ESR1: variants seen among roughly 807,000 people sequenced by gnomAD.
ESR1 encodes the protein estrogen receptor 1.
A neutral mutation model predicts 52.7 loss-of-function variants in ESR1; 12 were observed. The observed-to-expected ratio is 0.23, with a 90% CI of 0.15 to 0.37. The LOEUF is 0.37. Among genes scored for constraint, ESR1 ranks in the 10% least tolerant of loss-of-function variants. The pLI is 1.00. For synonymous variants in ESR1, 305 were observed against 316.8 expected (o/e 0.96, Z 0.39); for missense variants, 584 against 779.7 (o/e 0.75, Z 2.99).
intron 6 of ESR1, among the ~76,000 whole-genome samples, chr6:152,116,200 T>C (rs1356341363): frequency 6.6e-6 from 1 of 152,248 alleles, no homozygotes; most frequent in Non-Finnish European, 1.5e-5. Context: ...TACATACCTT[T>C]TGATTCAGTA....
intron 5 of ESR1, among the ~76,000 whole-genome samples, chr6:152,016,853 T>C (rs949053433): frequency 6.6e-6 from 1 of 152,308 alleles, no homozygotes; most frequent in Non-Finnish European, 1.5e-5. Flanking sequence ...CAAGGTCAAC[T>C]GTCTCCATAG....
At chr6:151,822,411 G>A (rs1443214731) in intron 1 of ESR1, among the ~76,000 whole-genome samples, 1 of 152,130 alleles carries the variant, frequency 6.6e-6, no homozygotes, top group Non-Finnish European at 1.5e-5. Flanking sequence ...CCTCTAAGGA[G>A]CTGAAAACAA....
At chr6:151,918,105 C>A (rs1305955141) in intron 3 of ESR1, among the ~76,000 whole-genome samples, 1 of 152,142 alleles carries the variant, frequency 6.6e-6, no homozygotes, top group Non-Finnish European at 1.5e-5. Flanking sequence ...GGCAGATACC[C>A]AGTGATGGGG....
In ESR1 at chr6:152,094,620, C is replaced by T. The variant is rs2050467113; in HGVS notation, c.1553+52C>T. ...GAGAGACATAAAGAAAACATGCCCCCAAACCTATGTGACAGCTGGCCGGGA... is the reference window on the plus strand; with the variant it reads ...GAGAGACATAAAGAAAACATGCCCCTAAACCTATGTGACAGCTGGCCGGGA... On this transcript the variant is annotated intron_variant, in intron 7 of 7. Transcript: ENST00000206249. This position sits in a 1 kb window ranked among gnomAD's most constrained non-coding sequence, Gnocchi z 4.6. 1 of 1,561,628 alleles carries T rather than the reference C, an allele frequency of 6.4e-7. No individual in the cohort carries two copies. Among genetic ancestry groups the T allele is most frequent in the African/African-American group, 1.4e-5 (1 of 73,916 alleles).
chr6:152,077,413 G>A lies in ESR1; in HGVS notation c.1369+16289G>A, dbSNP rs2048830963. ...GGGCCTCTGCTAGGGCAATGAGGAA[G>A]GGAAATGTGGGGTTGGAACCCCCAC... On this transcript the variant is annotated intron_variant, in intron 6 of 7. Transcript: ENST00000206249. Among the ~76,000 whole-genome samples the A allele has an allele frequency of 3.3e-5, 5 of 152,354 alleles. No individual in the cohort carries two copies. The East Asian group carries it at 9.7e-4, about 29-fold the overall frequency.
chr6:151,819,532 G>A (rs1780219983), intron 1 of ESR1, among the ~76,000 whole-genome samples: 1 of 152,138 alleles, frequency 6.6e-6, no homozygotes, highest in Non-Finnish European at 1.5e-5. Context: ...AAACCCTACT[G>A]TGAACTGTGT....
intron 2 of ESR1, among the ~76,000 whole-genome samples, chr6:151,768,454 A>G (rs1785239900): frequency 6.6e-6 from 1 of 152,236 alleles, no homozygotes; most frequent in Non-Finnish European, 1.5e-5. Flanking sequence ...GCCTCAATGC[A>G]AGTATAATCC....
intron 3 of ESR1, among the ~76,000 whole-genome samples, chr6:151,891,699 T>A (rs938619518): frequency 5.9e-5 from 9 of 152,200 alleles, no homozygotes; most frequent in African/African-American, 2.4e-5. Flanking sequence ...GGCTGACCTG[T>A]TAGTAACATA....
intron 2 of ESR1, among the ~76,000 whole-genome samples, chr6:151,849,906 C>G (rs1412857845): frequency 6.8e-6 from 1 of 147,346 alleles, no homozygotes; most frequent in Non-Finnish European, 1.5e-5. Flanking sequence ...TGGGCATTCT[C>G]TAGGGTCCTG....
At chr6:152,011,609 G>C (rs55716045) in intron 4 of ESR1, 47 bp from the exon 5 acceptor site, 1 of 1,611,318 alleles carries the variant, frequency 6.2e-7, no homozygotes, top group Non-Finnish European at 8.5e-7. Flanking sequence ...CACCAGTAAT[G>C]AGTCTTTTTC....
At chr6:151,729,844 T>G (rs1782108945) in intron 2 of ESR1, among the ~76,000 whole-genome samples, 2 of 152,078 alleles carry the variant, frequency 1.3e-5, no homozygotes, top group Admixed American at 1.3e-4. Flanking sequence ...TCCTAGCATT[T>G]TGGGAGGCCA....
At chr6:151,859,716 G>C (rs1441249194) in intron 2 of ESR1, among the ~76,000 whole-genome samples, 1 of 152,230 alleles carries the variant, frequency 6.6e-6, no homozygotes, top group East Asian at 1.9e-4. Context: ...GAAGGACTCT[G>C]CTTGGCCCAG....
chr6:151,981,294 G>T (rs1236684088), intron 4 of ESR1, among the ~76,000 whole-genome samples: 1 of 152,138 alleles, frequency 6.6e-6, no homozygotes, highest in Non-Finnish European at 1.5e-5. Flanking sequence ...GGGTGGGTCT[G>T]AAAGGAAAGA....
chr6:151,698,467 T>C (rs1479396835), intron 1 of ESR1, among the ~76,000 whole-genome samples: 1 of 152,132 alleles, frequency 6.6e-6, no homozygotes, highest in African/African-American at 2.4e-5. Flanking sequence ...CATGTTTTCA[T>C]TGCACTGATT....
At chr6:151,923,244 A>G (rs942763382) in intron 3 of ESR1, among the ~76,000 whole-genome samples, 4 of 152,076 alleles carry the variant, frequency 2.6e-5, no homozygotes, top group Non-Finnish European at 4.4e-5. Context: ...ATACATTTAA[A>G]TTCTTTTGTA....
chr6:151,896,233 T>C (rs1252672911), intron 3 of ESR1, among the ~76,000 whole-genome samples: 1 of 152,238 alleles, frequency 6.6e-6, no homozygotes, highest in Non-Finnish European at 1.5e-5. Flanking sequence ...TTTCTTCATC[T>C]TGTGGAATAG....
chr6:151,682,451 T>A (rs1165599193), intron 1 of ESR1, among the ~76,000 whole-genome samples: 1 of 152,192 alleles, frequency 6.6e-6, no homozygotes, highest in African/African-American at 2.4e-5. Flanking sequence ...AATTGCTGAG[T>A]AGACCTAAAG....
chr6:151,736,375 G>GTTTTTTTTTTTT lies in ESR1; in HGVS notation c.-71+34374_-71+34385dup, dbSNP rs10624912. ...AAATACTTACTGTATTCCAGGTAGT[G>GTTTTTTTTTTTT]TTTTTTTTTTTTTTTGAGATGGAGT... On this transcript the variant is annotated intron_variant, in intron 2 of 2. Transcript: ENST00000404742. Among the ~76,000 whole-genome samples, 79 of 112,656 alleles carry GTTTTTTTTTTTT rather than the reference G, an allele frequency of 7.0e-4. 11 individuals carry two copies. The highest frequency in any genetic ancestry group is 9.7e-3 in the Middle Eastern group (2 of 206). 73.9% of individuals were successfully genotyped at this position (112,656 alleles called of 152,430 possible). A position where few individuals can be genotyped will look rare whatever the true frequency, so the allele number is the denominator to read the frequency against.
chr6:152,104,995 A>G (rs1347581101), downstream of ESR1, among the ~76,000 whole-genome samples: 1 of 152,176 alleles, frequency 6.6e-6, no homozygotes, highest in East Asian at 1.9e-4. Flanking sequence ...CCAGGAGGAC[A>G]GTGTTGAGAG....
Sources: allele counts gnomAD v4.1 joint callset (sites outside exome capture counted in the v4.1 genomes callset), GRCh38; gene constraint gnomAD v4.1.1; non-coding constraint Gnocchi (gnomAD v3.1); transcripts MANE v1.5; gene names NCBI Gene and HGNC (gene_info 2026-07-23, HGNC 2026-07-21).